The following SMPX variants were observed in gnomAD, a reference collection of about 807,000 sequenced individuals.
The protein encoded by SMPX is small muscular protein.
In SMPX, 2 loss-of-function variants were observed where a neutral mutation model predicts 6.3. The observed-to-expected ratio is 0.32, with a 90% CI of 0.13 to 0.99. SMPX has a LOEUF of 0.99. Ranked by LOEUF, SMPX falls within the 50% of genes least tolerant of loss-of-function variation. The probability of loss-of-function intolerance (pLI) is 0.49; values close to 1 mark genes in which losing one functional copy is unlikely to be tolerated. For missense variants in SMPX, 60 were observed against 66.8 expected, an observed-to-expected ratio of 0.90 and a Z score of 0.36; for synonymous variants, 32 against 24.7, an observed-to-expected ratio of 1.30 and a Z score of -0.88.
At chrX:21,729,448 G>C (rs1385524439) in intron 4 of SMPX, among the ~76,000 whole-genome samples, 3 of 111,828 alleles carry the variant, frequency 2.7e-5, no homozygotes, top group Non-Finnish European at 3.8e-5. Context: ...GAGGACAGTA[G>C]CAGCCCACCC....
At chrX:21,734,958 C>A in intron 4 of SMPX, among the ~76,000 whole-genome samples, 1 of 111,480 alleles carries the variant, frequency 9.0e-6, no homozygotes, top group South Asian at 3.8e-4. Flanking sequence ...GTGGACCTTG[C>A]GCCTTGTGGT....
At chrX:21,712,315 A>C (rs943339000) in intron 4 of SMPX, among the ~76,000 whole-genome samples, 43 of 112,448 alleles carry the variant, frequency 3.8e-4, no homozygotes, top group African/African-American at 1.3e-3. Flanking sequence ...AGAGGAAGAC[A>C]TAAAGACCAG....
intron 2 of SMPX, among the ~76,000 whole-genome samples, chrX:21,752,591 C>A (rs1209374289): frequency 9.0e-6 from 1 of 110,881 alleles, no homozygotes; most frequent in Non-Finnish European, 1.9e-5. Context: ...AATCTTGGCT[C>A]ACAGCAACCT....
At chrX:21,731,698 AAATGTGTATATGTGTATATGTACACATT>A (rs1569306684) in intron 4 of SMPX, among the ~76,000 whole-genome samples, 13 of 68,469 alleles carry the variant, frequency 1.9e-4, no homozygotes, top group Admixed American at 4.3e-4. Context: ...ATGTACACAT[AAATGTGTATATGTGTATATGTACACATT>A]AATGTGTATA....
At chrX:21,724,199 C>A (rs183681833) in intron 4 of SMPX, among the ~76,000 whole-genome samples, 4 of 112,051 alleles carry the variant, frequency 3.6e-5, no homozygotes, top group Non-Finnish European at 5.6e-5. Context: ...AAGAGCTTTC[C>A]AGAAGAGTTG....
chrX:21,714,782 T>C (rs931666072), intron 4 of SMPX, among the ~76,000 whole-genome samples: 2 of 112,819 alleles, frequency 1.8e-5, no homozygotes, highest in African/African-American at 3.2e-5. Context: ...CATATTTTCT[T>C]AGGCTTCTCT....
At chrX:21,713,254 AG>A (rs1259062201) in intron 4 of SMPX, among the ~76,000 whole-genome samples, 2 of 112,272 alleles carry the variant, frequency 1.8e-5, no homozygotes, top group African/African-American at 6.5e-5. Context: ...TTTAGAAATT[AG>A]GAAATTCAGA....
At chrX:21,752,207 A>G (rs1191554035) in intron 2 of SMPX, among the ~76,000 whole-genome samples, 4 of 111,805 alleles carry the variant, frequency 3.6e-5, no homozygotes, top group Non-Finnish European at 5.6e-5. Flanking sequence ...GGTCAAAATT[A>G]GTAAATAAAA....
At chrX:21,752,678 T>G (rs1000592133) in intron 2 of SMPX, among the ~76,000 whole-genome samples, 1 of 110,054 alleles carries the variant, frequency 9.1e-6, no homozygotes, top group Non-Finnish European at 1.9e-5. Flanking sequence ...CCACAATGCC[T>G]GGCTAATTTT....
rs565000421 is a variant in SMPX at position 21,728,925 on chromosome X, A to C, written c.*14+8624T>G. On this transcript the variant is annotated intron_variant, in intron 4 of 4. Transcript: ENST00000379494. ...TATCACAAGCATATAATAAATGGGA[A>C]TGTTCATGATGACAATAAAAATGAT... is the stretch of plus-strand genomic sequence containing the variant. 4.4e-5 allele frequency among the ~76,000 whole-genome samples: 5 copies of C among 112,585 alleles called. No homozygotes were observed. In the Admixed American group the frequency reaches 4.7e-4, roughly 11 times the overall value.
At position 21,746,399 on chromosome X, in the gene SMPX, C is replaced by A. The variant is rs188862281; in HGVS notation, c.46-2563G>T. ...TCAGGGACAGACCTTCTCACTCTCT[C>A]AAACCCGTCTCTAAAGAGCTCTTTT... On this transcript the variant is annotated intron_variant, in intron 2 of 4. Coordinates refer to ENST00000379494, the MANE Select transcript of SMPX (RefSeq NM_014332.3). Among the ~76,000 whole-genome samples the A allele has an allele frequency of 1.8e-3, 198 of 111,666 alleles. 1 individual carries two copies. Among genetic ancestry groups the A allele is most frequent in the African/African-American group, 5.8e-3 (179 of 30,786 alleles).
intron 4 of SMPX, among the ~76,000 whole-genome samples, chrX:21,707,479 A>G (rs1362631748): frequency 1.8e-5 from 2 of 112,055 alleles, no homozygotes; most frequent in African/African-American, 3.2e-5. Context: ...TGTTAGTCTT[A>G]TGATTATGGC....
intron 2 of SMPX, among the ~76,000 whole-genome samples, chrX:21,748,493 T>C (rs1290112364): frequency 9.0e-6 from 1 of 111,622 alleles, no homozygotes; most frequent in African/African-American, 3.3e-5. Context: ...ATTCCTGAAG[T>C]GCTTTTGGAT....
intron 4 of SMPX, among the ~76,000 whole-genome samples, chrX:21,715,849 A>T (rs1198777619): frequency 2.7e-5 from 3 of 111,386 alleles, no homozygotes; most frequent in Non-Finnish European, 5.7e-5. Flanking sequence ...GCTGCTAACT[A>T]TCCTAGAATG....
At chrX:21,732,577 G>A (rs765673611) in intron 4 of SMPX, among the ~76,000 whole-genome samples, 7 of 112,336 alleles carry the variant, frequency 6.2e-5, no homozygotes, top group Non-Finnish European at 1.3e-4. Context: ...TGCCCTGTGT[G>A]CCTAATATGT....
At chrX:21,720,793 C>T (rs1830348607) in intron 4 of SMPX, among the ~76,000 whole-genome samples, 1 of 112,310 alleles carries the variant, frequency 8.9e-6, no homozygotes, top group Admixed American at 9.4e-5. Context: ...AGCTGGCTGA[C>T]CTTGAACCAA....
chrX:21,734,483 C>T (rs542649641), intron 4 of SMPX, among the ~76,000 whole-genome samples: 1 of 111,711 alleles, frequency 9.0e-6, no homozygotes, highest in Non-Finnish European at 1.9e-5. Context: ...TAGATTTTGC[C>T]ACTGGTCCTG....
chrX:21,718,807 G>A (rs187470582), intron 4 of SMPX, among the ~76,000 whole-genome samples: 256 of 111,953 alleles, frequency 2.3e-3, no homozygotes, highest in Middle Eastern at 9.3e-3. Flanking sequence ...TAGGTCAGGC[G>A]GGGAGAAAGT....
chrX:21,710,162 T>C (rs933679714), intron 4 of SMPX, among the ~76,000 whole-genome samples: 1 of 111,977 alleles, frequency 8.9e-6, no homozygotes, highest in Admixed American at 9.5e-5. Flanking sequence ...TTTATAAACA[T>C]AGAGAACTAA....
Sources: gnomAD v4.1 joint callset for allele counts (sites outside exome capture counted in the v4.1 genomes callset) on GRCh38, gnomAD v4.1.1 for gene constraint, MANE v1.5 for transcripts, NCBI Gene and HGNC (gene_info 2026-07-23, HGNC 2026-07-21) for gene names.